IDE: variants seen among roughly 807,000 people sequenced by gnomAD.
IDE encodes insulin-degrading enzyme.
IDE carries 58 observed loss-of-function variants against 133.2 expected under a neutral mutation model. The ratio of observed to expected loss-of-function variants is 0.44; its 90% CI spans 0.35 to 0.54. The LOEUF is 0.54. IDE is among the 20% of genes least tolerant of loss of function. The pLI is 0.00. For synonymous variants in IDE, 396 were observed against 421.3 expected (o/e 0.94, Z 0.73); for missense variants, 981 against 1,234.0 (o/e 0.79, Z 3.07).
intron 1 of IDE, among the ~76,000 whole-genome samples, chr10:92,551,043 TC>T (rs1296174562): frequency 6.6e-6 from 1 of 152,240 alleles, no homozygotes; most frequent in East Asian, 1.9e-4. Flanking sequence ...ATCTAACAAT[TC>T]CACTTCTGGA....
intron 4 of IDE, among the ~76,000 whole-genome samples, chr10:92,523,532 TAAAA>T: frequency 7.6e-6 from 1 of 132,108 alleles, no homozygotes; most frequent in African/African-American, 2.8e-5. Context: ...GGTCTCTACT[TAAAA>T]AAAAAAAAAA....
chr10:92,560,813 T>C (rs563385830), intron 1 of IDE, among the ~76,000 whole-genome samples: 5 of 150,788 alleles, frequency 3.3e-5, no homozygotes, highest in South Asian at 2.1e-4. Flanking sequence ...AGAAGTGACT[T>C]GTTACTCCTT....
At chr10:92,518,796 T>C (rs1020525205) in intron 4 of IDE, among the ~76,000 whole-genome samples, 12 of 152,180 alleles carry the variant, frequency 7.9e-5, no homozygotes, top group African/African-American at 2.9e-4. Context: ...CGGCAGAGAT[T>C]ACACACAATA....
At chr10:92,567,736 G>A (rs1843621306) in intron 1 of IDE, among the ~76,000 whole-genome samples, 2 of 152,156 alleles carry the variant, frequency 1.3e-5, no homozygotes. Context: ...CACTTTGGGA[G>A]GCAGAGGCAG....
chr10:92,525,896 C>T (rs1849600195), intron 4 of IDE, among the ~76,000 whole-genome samples: 1 of 152,044 alleles, frequency 6.6e-6, no homozygotes, highest in African/African-American at 2.4e-5. Flanking sequence ...GTGGCTCACA[C>T]CTCTAATCCC....
At chr10:92,507,724 A>C in intron 8 of IDE, 58 bp from the exon 9 acceptor site, 1 of 935,094 alleles carries the variant, frequency 1.1e-6, no homozygotes, top group South Asian at 1.3e-5. Context: ...CAAAGCAGTG[A>C]GCTCACTCCT....
chr10:92,461,158 C>T, intron 22 of IDE, 33 bp downstream of exon 22: 3 of 1,036,574 alleles, frequency 2.9e-6, no homozygotes, highest in Non-Finnish European at 4.5e-6. Context: ...ACTTTCATAT[C>T]AGTCAAAATC....
At chr10:92,487,343 A>G in intron 12 of IDE, 25 bp from the exon 13 acceptor site, 1 of 1,600,924 alleles carries the variant, frequency 6.2e-7, no homozygotes, top group South Asian at 1.1e-5. Context: ...AAACACACAA[A>G]TGCAGTAAGA....
intron 2 of IDE, among the ~76,000 whole-genome samples, chr10:92,535,115 T>A (rs546605014): frequency 6.9e-4 from 105 of 152,282 alleles, no homozygotes; most frequent in African/African-American, 2.4e-3. Flanking sequence ...TTTATTTATT[T>A]ATTTTTGAGA....
intron 1 of IDE, among the ~76,000 whole-genome samples, chr10:92,564,582 G>A (rs1843429736): frequency 6.8e-6 from 1 of 146,048 alleles, no homozygotes; most frequent in Non-Finnish European, 1.5e-5. Flanking sequence ...GGCTGAGGCA[G>A]GAGAATGCTT....
chr10:92,456,844 CAAAAAAAAAAAAAAAAAAAAAAA>C (rs57422406), intron 22 of IDE, among the ~76,000 whole-genome samples: 1 of 52,162 alleles, frequency 1.9e-5, no homozygotes, highest in Non-Finnish European at 3.5e-5. Flanking sequence ...GACTCTGTCT[CAAAAAAAAAAAAAAAAAAAAAAA>C]AAAAAAGAAA....
chr10:92,521,930 G>GA (rs1348543620), intron 4 of IDE, among the ~76,000 whole-genome samples: 1 of 151,948 alleles, frequency 6.6e-6, no homozygotes, highest in Admixed American at 6.6e-5. Context: ...ATGATATCTA[G>GA]AATCTCTTCA....
At chr10:92,562,056 A>C (rs1327335266) in intron 1 of IDE, among the ~76,000 whole-genome samples, 1 of 152,228 alleles carries the variant, frequency 6.6e-6, no homozygotes, top group African/African-American at 2.4e-5. Flanking sequence ...CTGAAAGACA[A>C]ATCTTCCCTA....
At chr10:92,508,551 CT>C (rs1848420172) in intron 7 of IDE, among the ~76,000 whole-genome samples, 176 bp downstream of exon 7, 1 of 86,040 alleles carries the variant, frequency 1.2e-5, no homozygotes, top group African/African-American at 3.8e-5. Context: ...CCATCTCTAT[CT>C]AAAAAAGAAA....
chr10:92,456,495 T>A, intron 22 of IDE, 64 bp from the exon 23 acceptor site: 1 of 1,066,026 alleles, frequency 9.4e-7, no homozygotes, highest in Non-Finnish European at 1.5e-6. Context: ...TGAGGTGTTC[T>A]CTGAAGACTA....
At chr10:92,506,568 GA>G (rs1564631819) in intron 9 of IDE, 46 bp from the exon 10 acceptor site, 4 of 827,728 alleles carry the variant, frequency 4.8e-6, no homozygotes, top group East Asian at 2.6e-5. Context: ...CCCTTATTTA[GA>G]AACCTTTTTT....
chr10:92,568,677 G>A (rs915005062), intron 1 of IDE, among the ~76,000 whole-genome samples: 4 of 151,988 alleles, frequency 2.6e-5, no homozygotes, highest in Admixed American at 6.6e-5. Context: ...TTAGCCGGGC[G>A]TGGTGGCACG....
chr10:92,506,997 T>C (rs1369477803), intron 9 of IDE, among the ~76,000 whole-genome samples: 1 of 152,130 alleles, frequency 6.6e-6, no homozygotes, highest in East Asian at 1.9e-4. Flanking sequence ...AGGATGTTTC[T>C]CATACTAAAA....
At chr10:92,467,360 A>G (rs1415142078) in intron 19 of IDE, among the ~76,000 whole-genome samples, 1 of 152,212 alleles carries the variant, frequency 6.6e-6, no homozygotes, top group Non-Finnish European at 1.5e-5. Context: ...GGAATGAGCC[A>G]CCACCCAGGC....
Sources: gnomAD v4.1 joint callset for allele counts (sites outside exome capture counted in the v4.1 genomes callset) on GRCh38, gnomAD v4.1.1 for gene constraint, MANE v1.5 for transcripts, NCBI Gene and HGNC (gene_info 2026-07-23, HGNC 2026-07-21) for gene names.